The following RANBP2 variants were observed in gnomAD, a reference collection of about 807,000 sequenced individuals.
RANBP2 encodes the protein RAN binding protein 2.
Under a neutral mutation model 303.6 loss-of-function variants are expected in RANBP2, and 57 were observed. The ratio of observed to expected loss-of-function variants is 0.19; its 90% CI spans 0.15 to 0.23. RANBP2 has a LOEUF of 0.23. RANBP2 is among the 10% of genes least tolerant of loss of function. The pLI is 1.00. For synonymous variants in RANBP2, 1,167 were observed against 1,301.5 expected, an observed-to-expected ratio of 0.90 and a Z score of 2.23; for missense variants, 3,138 against 3,780.8, an observed-to-expected ratio of 0.83 and a Z score of 4.46.
chr2:109,369,041 T>C, the RANBP2 span, among the ~76,000 whole-genome samples: 1 of 152,040 alleles, frequency 6.6e-6, no homozygotes, highest in Non-Finnish European at 1.5e-5. Context: ...CTCGTGGTGT[T>C]TAGAAAAGCC....
At chr2:108,880,194 A>G in the RANBP2 span, among the ~76,000 whole-genome samples, 2 of 14,856 alleles carry the variant, frequency 1.3e-4, no homozygotes, top group Non-Finnish European at 5.4e-4. Flanking sequence ...GGTAACTTAA[A>G]AAAAAAAAAC....
chr2:109,328,041 G>A, the RANBP2 span, among the ~76,000 whole-genome samples: 1 of 151,830 alleles, frequency 6.6e-6, no homozygotes, highest in Non-Finnish European at 1.5e-5. Flanking sequence ...TGTTTTTTGG[G>A]GAATCCTTTA....
chr2:109,368,730 G>GAA, the RANBP2 span, among the ~76,000 whole-genome samples: 2 of 146,558 alleles, frequency 1.4e-5, no homozygotes, highest in Admixed American at 1.4e-4. Flanking sequence ...AAAAGAAAAA[G>GAA]AAAAAGAAAG....
the RANBP2 span, among the ~76,000 whole-genome samples, chr2:109,641,360 T>A: frequency 6.6e-6 from 1 of 152,164 alleles, no homozygotes; most frequent in Non-Finnish European, 1.5e-5. Flanking sequence ...AATGGATGGA[T>A]GAACGGATAA....
the RANBP2 span, among the ~76,000 whole-genome samples, chr2:109,605,945 A>G: frequency 6.6e-6 from 1 of 152,238 alleles, no homozygotes; most frequent in Non-Finnish European, 1.5e-5. Context: ...TAGTAGCAAC[A>G]GATGCAAAAT....
the RANBP2 span, among the ~76,000 whole-genome samples, chr2:108,932,260 G>A: frequency 6.6e-6 from 1 of 152,066 alleles, no homozygotes; most frequent in East Asian, 1.9e-4. Flanking sequence ...TGAGCGCGGT[G>A]GCTCACACCT....
At chr2:109,052,310 A>T in the RANBP2 span, among the ~76,000 whole-genome samples, 1 of 152,240 alleles carries the variant, frequency 6.6e-6, no homozygotes, top group East Asian at 1.9e-4. Context: ...ATTCATTTCA[A>T]TAAAAATAAA....
the RANBP2 span, among the ~76,000 whole-genome samples, chr2:109,281,449 C>T: frequency 2.6e-5 from 4 of 152,318 alleles, no homozygotes; most frequent in South Asian, 4.1e-4. Context: ...GCATCCAGCA[C>T]ACGCACAGCA....
At chr2:109,490,767 G>C in the RANBP2 span, 1 of 1,536,496 alleles carries the variant, frequency 6.5e-7, no homozygotes, top group Non-Finnish European at 8.7e-7. Flanking sequence ...GTCCATCCAC[G>C]GCAGGGCAGG....
At chr2:109,561,341 C>T in the RANBP2 span, among the ~76,000 whole-genome samples, 13 of 152,080 alleles carry the variant, frequency 8.5e-5, no homozygotes, top group Non-Finnish European at 1.8e-4. Flanking sequence ...ATTTGGAACC[C>T]CCCCACCCAC....
chr2:109,315,890 G>A, the RANBP2 span, among the ~76,000 whole-genome samples: 96,470 of 151,792 alleles, frequency 0.64, 33,360 homozygotes, highest in East Asian at 0.91. Flanking sequence ...TTCCCAGAAC[G>A]TCACCTGCGA....
the RANBP2 span, among the ~76,000 whole-genome samples, chr2:108,955,520 G>A: frequency 3.9e-5 from 6 of 152,226 alleles, no homozygotes; most frequent in East Asian, 1.2e-3. Flanking sequence ...GGCCGTGGTG[G>A]GCAGATCACC....
chr2:109,571,712 G>A, the RANBP2 span, among the ~76,000 whole-genome samples: 30 of 152,172 alleles, frequency 2.0e-4, no homozygotes, highest in African/African-American at 4.3e-4. Context: ...TCAGGGTATC[G>A]AAACCAATCC....
At chr2:108,942,563 G>C in the RANBP2 span, among the ~76,000 whole-genome samples, 1 of 152,260 alleles carries the variant, frequency 6.6e-6, no homozygotes, top group East Asian at 1.9e-4. Flanking sequence ...TCCCGTTCTA[G>C]AAGACATAAA....
chr2:108,770,433 G>A (rs376210749), intron 20 of RANBP2, among the ~76,000 whole-genome samples: 4 of 151,892 alleles, frequency 2.6e-5, no homozygotes, highest in South Asian at 2.1e-4. Context: ...GTGTCATCCA[G>A]TAGAAATAAA....
At chr2:108,892,418 G>T in the RANBP2 span, among the ~76,000 whole-genome samples, 2 of 152,250 alleles carry the variant, frequency 1.3e-5, 1 homozygote, top group South Asian at 4.2e-4. Context: ...CTTAGCCCTG[G>T]CTGTGGAAGT....
intron 19 of RANBP2, 129 bp from the exon 20 acceptor site, chr2:108,763,108 G>C: frequency 9.0e-7 from 1 of 1,107,710 alleles, no homozygotes; most frequent in Admixed American, 2.0e-5. Flanking sequence ...TTAATGATGT[G>C]TACTACATCC....
At chr2:108,777,324 G>GTTT in intron 25 of RANBP2, 93 bp downstream of exon 25, 3 of 1,101,998 alleles carry the variant, frequency 2.7e-6, no homozygotes, top group Non-Finnish European at 4.0e-6. Context: ...AACTAAGTTA[G>GTTT]AAGTTTCTTC....
chr2:109,375,636 C>G, the RANBP2 span, among the ~76,000 whole-genome samples: 36 of 152,362 alleles, frequency 2.4e-4, 1 homozygote, highest in Admixed American at 2.0e-3. Flanking sequence ...CCCCAGTGGG[C>G]CAGGGCAGAG....
Sources: gnomAD v4.1 joint callset for allele counts (sites outside exome capture counted in the v4.1 genomes callset) on GRCh38, gnomAD v4.1.1 for gene constraint, MANE v1.5 for transcripts, NCBI Gene and HGNC (gene_info 2026-07-23, HGNC 2026-07-21) for gene names.